COPG2: variants seen among roughly 807,000 people sequenced by gnomAD.
COPG2 encodes coat protein complex I subunit gamma 2.
Under a neutral mutation model 46.3 loss-of-function variants are expected in COPG2, and 37 were observed. The ratio of observed to expected loss-of-function variants is 0.80; its 90% confidence interval spans 0.61 to 1.05. COPG2 has a LOEUF of 1.05. Among genes scored for constraint, COPG2 ranks in the 50% least tolerant of loss-of-function variants. The pLI is 0.00. For missense variants in COPG2, 427 were observed against 387.8 expected (o/e 1.10, Z -0.85); for synonymous variants, 159 against 129.7 (o/e 1.23, Z -1.53).
chr7:130,529,107 G>A (rs1799800940), intron 20 of COPG2, among the ~76,000 whole-genome samples: 1 of 152,164 alleles, frequency 6.6e-6, no homozygotes, highest in African/African-American at 2.4e-5. Flanking sequence ...CAGCATAGTA[G>A]AACCAAAAAT....
chr7:130,665,857 A>G (rs375688637), intron 3 of COPG2, among the ~76,000 whole-genome samples: 102 of 151,984 alleles, frequency 6.7e-4, no homozygotes, highest in African/African-American at 2.2e-3. Flanking sequence ...AAAGAAAAAG[A>G]AAAGAAAAAT....
intron 20 of COPG2, chr7:130,511,837 G>A (rs1554441059): frequency 1.9e-6 from 1 of 519,660 alleles, no homozygotes; most frequent in South Asian, 1.4e-5. Flanking sequence ...GGCAGCAGCA[G>A]ACTAGCTCTT....
chr7:130,523,634 C>T (rs996011112), intron 20 of COPG2, among the ~76,000 whole-genome samples: 6 of 152,280 alleles, frequency 3.9e-5, no homozygotes, highest in African/African-American at 1.4e-4. Context: ...AATGGGACCA[C>T]GGTGGTGCAG....
At chr7:130,611,251 GAACTA>G (rs1268816755) in intron 8 of COPG2, 141 bp from the exon 9 acceptor site, 5 of 743,910 alleles carry the variant, frequency 6.7e-6, no homozygotes, top group Admixed American at 5.8e-5. Flanking sequence ...TTTTCACACT[GAACTA>G]AACACAGGCA....
At chr7:130,556,840 GA>G (rs1373975091) in intron 12 of COPG2, among the ~76,000 whole-genome samples, 1 of 149,224 alleles carries the variant, frequency 6.7e-6, no homozygotes, top group Non-Finnish European at 1.5e-5. Flanking sequence ...AAACATTCTT[GA>G]AAAAAAAAGG....
intron 5 of COPG2, among the ~76,000 whole-genome samples, chr7:130,648,804 AG>A (rs1277928063): frequency 2.0e-5 from 3 of 152,192 alleles, no homozygotes; most frequent in African/African-American, 7.2e-5. Flanking sequence ...TTTTTCATAA[AG>A]GGTAACCAGC....
At chr7:130,552,729 A>G (rs1300455342) in intron 14 of COPG2, among the ~76,000 whole-genome samples, 3 of 152,216 alleles carry the variant, frequency 2.0e-5, no homozygotes, top group Admixed American at 1.3e-4. Flanking sequence ...CACTGATGTC[A>G]TTAAGCTCTA....
intron 3 of COPG2, among the ~76,000 whole-genome samples, chr7:130,663,675 T>G (rs532388455): frequency 6.6e-6 from 1 of 151,386 alleles, no homozygotes; most frequent in Non-Finnish European, 1.5e-5. Context: ...CTTGCCAAAA[T>G]GCAGATTCTG....
intron 9 of COPG2, among the ~76,000 whole-genome samples, chr7:130,609,361 T>G (rs1052010815): frequency 1.3e-5 from 2 of 152,178 alleles, no homozygotes; most frequent in African/African-American, 4.8e-5. Context: ...CTGATGGTTT[T>G]AAAAATGGGA....
chr7:130,585,761 A>G (rs547637083), intron 9 of COPG2, among the ~76,000 whole-genome samples: 127 of 152,184 alleles, frequency 8.3e-4, no homozygotes, highest in African/African-American at 2.7e-3. Context: ...CAAAACCACA[A>G]TGTGATACCA....
intron 5 of COPG2, among the ~76,000 whole-genome samples, chr7:130,637,411 T>G (rs1171094880): frequency 2.0e-5 from 3 of 152,214 alleles, no homozygotes; most frequent in African/African-American, 7.2e-5. Flanking sequence ...TCTTGGAGGC[T>G]TTTTTCATTC....
intron 5 of COPG2, among the ~76,000 whole-genome samples, chr7:130,650,922 C>T (rs1795724841): frequency 6.6e-6 from 1 of 152,162 alleles, no homozygotes; most frequent in Admixed American, 6.5e-5. Context: ...CCAACACCAG[C>T]TACTCCAAGC....
chr7:130,605,704 T>C, intron 9 of COPG2: 1 of 518,822 alleles, frequency 1.9e-6, no homozygotes, highest in Non-Finnish European at 3.9e-6. Context: ...GAAATGAATT[T>C]GGCCAACGAC....
intron 20 of COPG2, 144 bp from the exon 21 acceptor site, chr7:130,508,803 A>G (rs1799546707): frequency 8.1e-6 from 5 of 616,840 alleles, no homozygotes; most frequent in Non-Finnish European, 8.7e-6. Context: ...TCTCAAAAGC[A>G]GCCTACAAGC....
At chr7:130,563,763 AAAAAAAAAAAG>A (rs1361920393) in intron 10 of COPG2, among the ~76,000 whole-genome samples, 1 of 124,078 alleles carries the variant, frequency 8.1e-6, no homozygotes, top group African/African-American at 3.7e-5. Flanking sequence ...CTCAAAAAAA[AAAAAAAAAAAG>A]AAAAAAAAAA....
intron 5 of COPG2, among the ~76,000 whole-genome samples, chr7:130,621,912 C>G (rs1795045036): frequency 6.9e-6 from 1 of 145,882 alleles, no homozygotes; most frequent in Non-Finnish European, 1.5e-5. Context: ...CCACTGTACT[C>G]CACCCTGGGA....
intron 12 of COPG2, among the ~76,000 whole-genome samples, chr7:130,558,177 C>T (rs1793662048): frequency 6.6e-6 from 1 of 151,992 alleles, no homozygotes; most frequent in East Asian, 1.9e-4. Flanking sequence ...ATCTGTGCCC[C>T]CAACCAAATC....
At chr7:130,629,397 TCA>T (rs1554454817) in intron 5 of COPG2, among the ~76,000 whole-genome samples, 1 of 118,222 alleles carries the variant, frequency 8.5e-6, no homozygotes, top group African/African-American at 2.6e-5. Flanking sequence ...ATTATTATTA[TCA>T]TTTTTTTTTT....
chr7:130,663,058 A>AT lies in COPG2; in HGVS notation c.172-21dup, dbSNP rs1563074718. On this transcript the variant is annotated intron_variant, in intron 3 of 23. Coordinates refer to ENST00000425248, the MANE Select transcript of COPG2 (RefSeq NM_012133.6). ...TTCACCCTAAGTAAAATTTAAAACA[A>AT]TTTTTAAATTTTAAAAAGTGTATAT... 3.5e-6 allele frequency: 5 copies of AT among 1,420,786 alleles called. No individual in the cohort carries two copies. The highest frequency in any genetic ancestry group is 4.7e-6 in the Non-Finnish European group (5 of 1,056,690). The allele number at this position is 1,420,786 out of a possible 1,614,324, so 88.0% of individuals were successfully genotyped here. A position where few individuals can be genotyped will look rare whatever the true frequency, so the allele number is the denominator to read the frequency against.
Sources: gnomAD v4.1 joint callset for allele counts (sites outside exome capture counted in the v4.1 genomes callset) on GRCh38, gnomAD v4.1.1 for gene constraint, MANE v1.5 for transcripts, NCBI Gene and HGNC (gene_info 2026-07-23, HGNC 2026-07-21) for gene names.